The following CDYL variants were observed in gnomAD, a reference collection of about 807,000 sequenced individuals.
CDYL encodes chromodomain Y-like protein.
In CDYL, 8 loss-of-function variants were observed where a neutral mutation model predicts 47.3. That is an observed-to-expected ratio of 0.17 (90% confidence interval 0.10 to 0.31). The LOEUF is 0.31. CDYL is among the 10% of genes least tolerant of loss of function. The probability of loss-of-function intolerance (pLI) is 1.00; values close to 1 mark genes in which losing one functional copy is unlikely to be tolerated. For synonymous variants in CDYL, 266 were observed against 265.0 expected (o/e 1.00, Z -0.04); for missense variants, 471 against 701.4 (o/e 0.67, Z 3.71).
At chr6:4,805,174 T>C (rs1759335093) in intron 1 of CDYL, among the ~76,000 whole-genome samples, 1 of 152,248 alleles carries the variant, frequency 6.6e-6, no homozygotes, top group African/African-American at 2.4e-5. Context: ...ATTAGCTTTT[T>C]ACTCTAAACT....
At chr6:4,799,701 G>C (rs1395242469) in intron 1 of CDYL, among the ~76,000 whole-genome samples, 1 of 152,160 alleles carries the variant, frequency 6.6e-6, no homozygotes, top group Non-Finnish European at 1.5e-5. Flanking sequence ...GGCTCCCAAA[G>C]TGCTGAGATT....
intron 1 of CDYL, among the ~76,000 whole-genome samples, chr6:4,851,529 G>A (rs967940259): frequency 5.3e-5 from 8 of 152,078 alleles, no homozygotes; most frequent in African/African-American, 1.4e-4. Context: ...CTGGAGTCTG[G>A]GGGCTCTCTC....
chr6:4,823,925 A>T (rs1400307940), intron 1 of CDYL, among the ~76,000 whole-genome samples: 3 of 152,180 alleles, frequency 2.0e-5, no homozygotes, highest in African/African-American at 7.2e-5. Flanking sequence ...TCTCTATTCT[A>T]CTTTCTGCCT....
intron 1 of CDYL, among the ~76,000 whole-genome samples, chr6:4,820,466 G>T (rs577749098): frequency 1.3e-5 from 2 of 152,204 alleles, no homozygotes; most frequent in South Asian, 4.2e-4. Flanking sequence ...CTGAGGGTTG[G>T]GTTCTGCTAT....
At chr6:4,713,561 G>C (rs1757194745) in intron 1 of CDYL, among the ~76,000 whole-genome samples, 1 of 147,254 alleles carries the variant, frequency 6.8e-6, no homozygotes, top group African/African-American at 2.7e-5. Flanking sequence ...ACTGAATACA[G>C]AGTCTTAAAA....
intron 4 of CDYL, 98 bp downstream of exon 4, chr6:4,937,835 T>G (rs1758244493): frequency 3.4e-6 from 3 of 875,336 alleles, no homozygotes; most frequent in Admixed American, 5.2e-5. Flanking sequence ...GAGAATAAGA[T>G]ACACATCTTC....
chr6:4,866,514 G>A (rs1761327770), intron 1 of CDYL, among the ~76,000 whole-genome samples: 2 of 151,976 alleles, frequency 1.3e-5, no homozygotes, highest in Admixed American at 6.6e-5. Flanking sequence ...CTCACTTAAC[G>A]TCATCAATAA....
chr6:4,781,877 G>A (rs1378529550), intron 1 of CDYL, among the ~76,000 whole-genome samples: 1 of 152,144 alleles, frequency 6.6e-6, no homozygotes, highest in African/African-American at 2.4e-5. Context: ...AGGTGGAACA[G>A]GACCAGCCTG....
At chr6:4,749,095 T>C (rs1480302317) in intron 3 of CDYL, among the ~76,000 whole-genome samples, 1 of 152,242 alleles carries the variant, frequency 6.6e-6, no homozygotes, top group Non-Finnish European at 1.5e-5. Context: ...AATTTTTTTC[T>C]ACTCCATTTT....
intron 1 of CDYL, among the ~76,000 whole-genome samples, chr6:4,808,442 A>T (rs1759433499): frequency 6.6e-6 from 1 of 152,202 alleles, no homozygotes; most frequent in African/African-American, 2.4e-5. Flanking sequence ...TCTGTAATAC[A>T]TTTACTCATT....
At chr6:4,818,011 C>T (rs927922932) in intron 1 of CDYL, among the ~76,000 whole-genome samples, 10 of 152,246 alleles carry the variant, frequency 6.6e-5, no homozygotes, top group South Asian at 6.2e-4. Context: ...AATCCCAGAA[C>T]TTTGGGAGGC....
chr6:4,734,327 C>A (rs1757662461), intron 2 of CDYL, among the ~76,000 whole-genome samples: 1 of 152,194 alleles, frequency 6.6e-6, no homozygotes, highest in South Asian at 2.1e-4. Flanking sequence ...CATACTGGGT[C>A]ATCTCAGAGT....
chr6:4,928,119 T>A (rs1344664990), intron 2 of CDYL, among the ~76,000 whole-genome samples: 1 of 152,170 alleles, frequency 6.6e-6, no homozygotes, highest in African/African-American at 2.4e-5. Flanking sequence ...TTCAAAAAAA[T>A]TTTAGCTTGT....
chr6:4,893,718 C>T (rs1013441575), intron 2 of CDYL, among the ~76,000 whole-genome samples: 55 of 151,920 alleles, frequency 3.6e-4, no homozygotes, highest in African/African-American at 1.2e-3. Context: ...AAAGAGACTC[C>T]GTCTCTTTAC....
chr6:4,768,196 C>T (rs990138856), intron 3 of CDYL, among the ~76,000 whole-genome samples: 6 of 152,220 alleles, frequency 3.9e-5, no homozygotes, highest in Non-Finnish European at 8.8e-5. Flanking sequence ...CTAATTCATC[C>T]TTTAGATTTT....
At chr6:4,851,195 C>G (rs577683392) in intron 1 of CDYL, among the ~76,000 whole-genome samples, 77 of 152,298 alleles carry the variant, frequency 5.1e-4, no homozygotes, top group African/African-American at 1.8e-3. Flanking sequence ...TGTGCTAGTT[C>G]TGTAACCTGG....
At chr6:4,909,481 G>A (rs1186106166) in intron 2 of CDYL, among the ~76,000 whole-genome samples, 1 of 152,162 alleles carries the variant, frequency 6.6e-6, no homozygotes, top group East Asian at 1.9e-4. Flanking sequence ...CACACACCAG[G>A]AGGATTTTTT....
chr6:4,746,490 G>A (rs1290003876), intron 3 of CDYL, among the ~76,000 whole-genome samples: 3 of 152,116 alleles, frequency 2.0e-5, no homozygotes, highest in African/African-American at 7.2e-5. Context: ...CAGACCTAGG[G>A]CACAACAACA....
chr6:4,854,549 C>T (rs969290372), intron 1 of CDYL, among the ~76,000 whole-genome samples: 73 of 152,162 alleles, frequency 4.8e-4, no homozygotes, highest in African/African-American at 1.6e-3. Flanking sequence ...AGGATAAAGA[C>T]GCCAAGTCTT....
Sources: allele counts gnomAD v4.1 joint callset (sites outside exome capture counted in the v4.1 genomes callset), GRCh38; gene constraint gnomAD v4.1.1; transcripts MANE v1.5; gene names NCBI Gene and HGNC (gene_info 2026-07-23, HGNC 2026-07-21).